The following SETBP1 variants were observed in gnomAD, a reference collection of about 807,000 sequenced individuals.
SETBP1 encodes SET-binding protein.
SETBP1 carries 9 observed loss-of-function variants against 101.0 expected under a neutral mutation model. That is an observed-to-expected ratio of 0.09 (90% CI 0.05 to 0.16). SETBP1 has a LOEUF of 0.16. Among genes scored for constraint, SETBP1 ranks in the 10% least tolerant of loss-of-function variants. The probability of loss-of-function intolerance (pLI) is 1.00; values close to 1 mark genes in which losing one functional copy is unlikely to be tolerated. For missense variants in SETBP1, 1,858 were observed against 2,033.8 expected, an observed-to-expected ratio of 0.91 and a Z score of 1.66; for synonymous variants, 818 against 788.5, an observed-to-expected ratio of 1.04 and a Z score of -0.63.
At position 45,013,030 on chromosome 18, in the gene SETBP1, G is replaced by A. The variant is rs142757017; in HGVS notation, c.4001-25455G>A. Among the ~76,000 whole-genome samples, 875 of 152,324 alleles carry A rather than the reference G, an allele frequency of 5.7e-3. 4 individuals are homozygous for A. The highest frequency in any genetic ancestry group is 0.014 in the Middle Eastern group (4 of 294). ...ACTTGGCACTGCAGTCCTGGAAGGC[G>A]ACAGGAGTAGAGTCAGTACTTAGGA... On this transcript the variant is annotated intron_variant, in intron 4 of 5. Coordinates refer to ENST00000649279, the MANE Select transcript of SETBP1 (RefSeq NM_015559.3).
chr18:44,869,988 T>C (rs180884647), intron 3 of SETBP1: 1 of 159,596 alleles, frequency 6.3e-6, no homozygotes, highest in African/African-American at 2.4e-5. Context: ...AGTTAGAACA[T>C]GTACATAAAG....
chr18:44,946,030 G>A (rs2071198242), intron 3 of SETBP1, among the ~76,000 whole-genome samples: 1 of 152,216 alleles, frequency 6.6e-6, no homozygotes, highest in Non-Finnish European at 1.5e-5. Context: ...TGTCATGGCT[G>A]ACAGATGAAG....
At chr18:44,936,177 C>A (rs1234039685) in intron 3 of SETBP1, among the ~76,000 whole-genome samples, 1 of 152,204 alleles carries the variant, frequency 6.6e-6, no homozygotes, top group East Asian at 1.9e-4. Context: ...AAGCCCAGCC[C>A]AGGGCTCCCA....
Position 44,976,620 on chromosome 18 carries a change from A to C in SETBP1, c.4000+23280A>C, listed in dbSNP as rs1186387719. Among the ~76,000 whole-genome samples, 3 of 152,298 alleles carry C rather than the reference A, an allele frequency of 2.0e-5. No homozygotes were observed. The East Asian group carries it at 5.8e-4, about 29-fold the overall frequency. On this transcript the variant is annotated intron_variant, in intron 4 of 5. Transcript: ENST00000649279. ...CTGCTCAGGGCAAGGAGGGAAATAA[A>C]TGATCATGGTTATAGTTAGTAGCTA...
intron 3 of SETBP1, among the ~76,000 whole-genome samples, chr18:44,911,650 T>G (rs779206303): frequency 4.6e-5 from 7 of 152,234 alleles, no homozygotes; most frequent in Non-Finnish European, 8.8e-5. Flanking sequence ...CTTTGTCTGC[T>G]TAAATTGTAC....
intron 5 of SETBP1, among the ~76,000 whole-genome samples, chr18:45,053,838 G>A (rs1474364199): frequency 6.6e-6 from 1 of 151,894 alleles, no homozygotes; most frequent in Non-Finnish European, 1.5e-5. Flanking sequence ...CACAATAGTT[G>A]GGGTATTATA....
In SETBP1 at chr18:44,691,316, G is replaced by C. The variant is rs144721933; in HGVS notation, c.-172-9859G>C. ...TGTGTGAATTAAATTGATAATGACT[G>C]TAAAGAGCTCAGCACAAGTTAGTGG... On this transcript the variant is annotated intron_variant, in intron 1 of 5. Coordinates refer to ENST00000649279, the MANE Select transcript of SETBP1 (RefSeq NM_015559.3). Among the ~76,000 whole-genome samples the C allele has an allele frequency of 3.1e-4, 47 of 152,206 alleles. No individual in the cohort carries two copies. The East Asian group carries it at 7.2e-3, about 23-fold the overall frequency.
At chr18:44,772,789 T>G (rs1599105424) in intron 2 of SETBP1, among the ~76,000 whole-genome samples, 1 of 152,286 alleles carries the variant, frequency 6.6e-6, no homozygotes, top group East Asian at 1.9e-4. Flanking sequence ...ATTCTGAGAA[T>G]TAAATATAGT....
In SETBP1 at chr18:45,063,998, G is replaced by A. The variant is rs1432256495; in HGVS notation, c.*300G>A. On this transcript the variant is annotated 3_prime_UTR_variant, in exon 6 of 6. Coordinates refer to ENST00000649279, the MANE Select transcript of SETBP1 (RefSeq NM_015559.3). The stretch of plus-strand genomic sequence containing the variant: ...GAAGGCCCCCAGGAGGAGCAGGCTG[G>A]TGGCACTCTCCTGACCTCACGCTGC... 1.2e-5 allele frequency: 4 copies of A among 327,530 alleles called. No individual in the cohort carries two copies. Among genetic ancestry groups the A allele is most frequent in the African/African-American group, 8.7e-5 (4 of 45,986 alleles). The allele number at this position is 327,530 out of a possible 1,614,324, so 20.3% of individuals were successfully genotyped here. A position where few individuals can be genotyped will look rare whatever the true frequency, so the allele number is the denominator to read the frequency against.
In SETBP1 at chr18:44,701,530, G is replaced by A; in HGVS notation, c.184G>A (p.Glu62Lys). Residue 62 changes from glutamate to lysine, a missense_variant, in exon 2 of 6, where the codon GAA (glutamate) becomes AAA (lysine). Coordinates refer to ENST00000649279, the MANE Select transcript of SETBP1 (RefSeq NM_015559.3). ...GERMEPEEED[E>K]LGSGRDVDSN... ...GCGCATGGAGCCAGAGGAGGAGGATGAACTAGGCTCAGGGCGGGATGTGGA... is the reference window on the plus strand; with the variant it reads ...GCGCATGGAGCCAGAGGAGGAGGATAAACTAGGCTCAGGGCGGGATGTGGA... 1.9e-6 allele frequency: 3 copies of A among 1,614,128 alleles called. No homozygotes were observed. The highest frequency in any genetic ancestry group is 2.5e-6 in the Non-Finnish European group (3 of 1,179,988).
intron 1 of SETBP1, among the ~76,000 whole-genome samples, chr18:44,692,025 T>G (rs1045469137): frequency 6.6e-6 from 1 of 152,154 alleles, no homozygotes; most frequent in Non-Finnish European, 1.5e-5. Context: ...AGAGCAATAA[T>G]CAAACAACAG....
intron 2 of SETBP1, among the ~76,000 whole-genome samples, chr18:44,777,547 A>G (rs1279018708): frequency 6.6e-6 from 1 of 152,128 alleles, no homozygotes; most frequent in Non-Finnish European, 1.5e-5. Context: ...TCTGGTGGAT[A>G]GAGTTGCACC....
At chr18:44,810,585 G>A (rs183808576) in intron 2 of SETBP1, among the ~76,000 whole-genome samples, 1 of 152,202 alleles carries the variant, frequency 6.6e-6, no homozygotes, top group East Asian at 1.9e-4. Context: ...TGCCACAGCT[G>A]AGTGAATAAT....
intron 2 of SETBP1, among the ~76,000 whole-genome samples, chr18:44,825,350 G>C (rs540422413): frequency 3.3e-5 from 5 of 152,224 alleles, no homozygotes; most frequent in African/African-American, 1.2e-4. Flanking sequence ...GAAAGAGAAG[G>C]GATCCATCTT....
At chr18:44,935,200 G>A (rs1043583848) in intron 3 of SETBP1, among the ~76,000 whole-genome samples, 1 of 152,128 alleles carries the variant, frequency 6.6e-6, no homozygotes, top group Non-Finnish European at 1.5e-5. Flanking sequence ...AGTTCACAGT[G>A]TTCATGGGAA....
chr18:44,792,671 A>G (rs908857725), intron 2 of SETBP1, among the ~76,000 whole-genome samples: 1 of 152,096 alleles, frequency 6.6e-6, no homozygotes. Flanking sequence ...CCTCCCCTCC[A>G]TGCACACCAC....
chr18:44,771,885 C>A (rs2070883102), intron 2 of SETBP1, among the ~76,000 whole-genome samples: 1 of 152,168 alleles, frequency 6.6e-6, no homozygotes. Context: ...ATTTCCCCCC[C>A]AAGGGATAAA....
At chr18:44,697,463 G>C (rs968773444) in intron 1 of SETBP1, 1 of 152,290 alleles carries the variant, frequency 6.6e-6, no homozygotes, top group Non-Finnish European at 1.5e-5. Context: ...AATTTGGCTG[G>C]GGCTGCTGCC....
chr18:44,985,527 G>A (rs2072212063), intron 4 of SETBP1, among the ~76,000 whole-genome samples: 1 of 152,174 alleles, frequency 6.6e-6, no homozygotes, highest in Non-Finnish European at 1.5e-5. Flanking sequence ...ATCAACCAAG[G>A]AGCACAGTCT....
Sources: gnomAD v4.1 joint callset for allele counts (sites outside exome capture counted in the v4.1 genomes callset) on GRCh38, gnomAD v4.1.1 for gene constraint, MANE v1.5 for transcripts, NCBI Gene and HGNC (gene_info 2026-07-23, HGNC 2026-07-21) for gene names.